Variants in CARS2 observed in about 807,000 individuals in gnomAD.
The protein encoded by CARS2 is probable cysteine--tRNA ligase, mitochondrial.
CARS2 carries 52 observed loss-of-function variants against 68.8 expected under a neutral mutation model. The ratio of observed to expected loss-of-function variants is 0.76; its 90% CI spans 0.61 to 0.95. CARS2 has a LOEUF of 0.95. Among genes scored for constraint, CARS2 ranks in the 40% least tolerant of loss-of-function variants. CARS2 has a pLI of 0.00. For missense variants in CARS2, 780 were observed against 754.2 expected (o/e 1.03, Z -0.40); for synonymous variants, 314 against 303.6 (o/e 1.03, Z -0.36).
At chr13:110,674,146 T>TA (rs1216793137) in intron 7 of CARS2, among the ~76,000 whole-genome samples, 1 of 152,158 alleles carries the variant, frequency 6.6e-6, no homozygotes, top group African/African-American at 2.4e-5. Flanking sequence ...CAAGGTAACT[T>TA]ATAGATTCAA....
chr13:110,686,765 C>T (rs2063314815), intron 5 of CARS2, among the ~76,000 whole-genome samples: 2 of 151,982 alleles, frequency 1.3e-5, no homozygotes, highest in South Asian at 2.1e-4. Context: ...AACATGTTAC[C>T]CAGGCTGGTC....
chr13:110,655,076 A>G (rs898235206), intron 9 of CARS2, among the ~76,000 whole-genome samples: 2 of 152,192 alleles, frequency 1.3e-5, no homozygotes, highest in African/African-American at 4.8e-5. Context: ...TGATAAAGTC[A>G]CCAGGGGCTC....
chr13:110,643,995 C>G, intron 13 of CARS2: 1 of 698,906 alleles, frequency 1.4e-6, no homozygotes, highest in Non-Finnish European at 2.1e-6. Context: ...CCGTACAAAA[C>G]ATGTGCCAGG....
chr13:110,665,544 T>C lies in CARS2; in HGVS notation c.919+1796A>G, dbSNP rs749541657. The C allele has an allele frequency of 2.0e-6, 2 of 985,380 alleles. No individual in the cohort carries two copies. Among genetic ancestry groups the C allele is most frequent in the South Asian group, 4.7e-5 (1 of 21,300 alleles). The allele number at this position is 985,380 out of a possible 1,614,324, so 61.0% of individuals were successfully genotyped here. ...CCTCATTACCTGACAGGACGAAGCG[T>C]TGGCACAGCTAAGGCTGCCCTTCTT... is the stretch of plus-strand genomic sequence containing the variant. On this transcript the variant is annotated intron_variant, in intron 8 of 14. Coordinates refer to ENST00000257347, the MANE Select transcript of CARS2 (RefSeq NM_024537.4). This position sits in a 1 kb window ranked among gnomAD's most constrained non-coding sequence, Gnocchi z 4.3.
chr13:110,646,903 TG>T, intron 11 of CARS2, 197 bp downstream of exon 11: 1 of 586,284 alleles, frequency 1.7e-6, no homozygotes, highest in Non-Finnish European at 2.9e-6. Flanking sequence ...CTGTGGCCTC[TG>T]GGGAGCCCCT....
chr13:110,708,337 C>G (rs1013294777), upstream of CARS2, among the ~76,000 whole-genome samples: 1 of 152,138 alleles, frequency 6.6e-6, no homozygotes, highest in Admixed American at 6.6e-5. Flanking sequence ...AGCAAATTAA[C>G]AAAAAGCTCA....
At chr13:110,684,394 C>T (rs2063237798) in intron 5 of CARS2, among the ~76,000 whole-genome samples, 1 of 151,908 alleles carries the variant, frequency 6.6e-6, no homozygotes, top group Non-Finnish European at 1.5e-5. Flanking sequence ...CAAGCTGCAC[C>T]CAGGACCTGC....
At chr13:110,685,366 G>T (rs994970666) in intron 5 of CARS2, among the ~76,000 whole-genome samples, 5 of 151,984 alleles carry the variant, frequency 3.3e-5, no homozygotes, top group African/African-American at 9.7e-5. Context: ...ATTAGAACAA[G>T]TAAAAAGCTA....
intron 9 of CARS2, among the ~76,000 whole-genome samples, chr13:110,656,773 A>G (rs2062380430): frequency 6.6e-6 from 1 of 151,986 alleles, no homozygotes; most frequent in Admixed American, 6.6e-5. Flanking sequence ...AGTCCCAGCT[A>G]CTCAGGAGGC....
intron 9 of CARS2, among the ~76,000 whole-genome samples, chr13:110,654,493 T>TATAG (rs1489350377): frequency 6.6e-6 from 1 of 152,038 alleles, no homozygotes; most frequent in Non-Finnish European, 1.5e-5. Context: ...CAAGGAACTA[T>TATAG]GGGCTAGGGT....
At chr13:110,680,373 A>G (rs1246057090) in intron 6 of CARS2, among the ~76,000 whole-genome samples, 1 of 152,188 alleles carries the variant, frequency 6.6e-6, no homozygotes, top group African/African-American at 2.4e-5. Context: ...AGCCTGGGCA[A>G]AAGAGTGAGA....
intron 12 of CARS2, chr13:110,644,688 C>T (rs1300109054): frequency 4.9e-6 from 4 of 813,526 alleles, no homozygotes; most frequent in Non-Finnish European, 5.4e-6. Flanking sequence ...ATCTCTTGTG[C>T]CTCAGTTTAC....
In CARS2 at chr13:110,705,937, G is replaced by T; in HGVS notation, c.157C>A (p.Gln53Lys). The change falls in exon 1 of 15, where the codon CAG (glutamine) becomes AAG (lysine). Residue 53 changes from glutamine (Q) to lysine (K), a missense_variant. Gln to Lys is a moderately conservative substitution (Grantham distance 53). Coordinates refer to ENST00000257347, the MANE Select transcript of CARS2 (RefSeq NM_024537.4). This position sits in a 1 kb window ranked among gnomAD's most constrained non-coding sequence, Gnocchi z 4.0. Reference protein sequence around the residue: ...LQPTGRETGVQVYNSLTGRKE... With the variant: ...LQPTGRETGVKVYNSLTGRKE... The stretch of plus-strand genomic sequence containing the variant: ...CTCCCGGTGAGGCTGTTGTACACCT[G>T]CACACCCGTCTCCCGGCCCGTGGGC... The T allele has an allele frequency of 6.4e-7, 1 of 1,568,366 alleles. No individual in the cohort carries two copies. The highest frequency in any genetic ancestry group is 8.6e-7 in the Non-Finnish European group (1 of 1,160,108).
chr13:110,679,649 C>A (rs2063096019), intron 6 of CARS2, among the ~76,000 whole-genome samples: 1 of 19,324 alleles, frequency 5.2e-5, no homozygotes, highest in African/African-American at 1.8e-4. Flanking sequence ...CCGGGCGTGA[C>A]CGGAGGGAGG....
intron 5 of CARS2, among the ~76,000 whole-genome samples, chr13:110,684,119 C>A (rs929351862): frequency 1.3e-5 from 2 of 152,140 alleles, no homozygotes; most frequent in African/African-American, 4.8e-5. Flanking sequence ...CCATGTGTCT[C>A]CCTAGGAAGG....
chr13:110,663,045 C>A (rs1169984485), intron 9 of CARS2: 2 of 461,960 alleles, frequency 4.3e-6, no homozygotes, highest in African/African-American at 2.0e-5. Context: ...CCAGCCAGCT[C>A]TGAGCCTATT....
chr13:110,647,020 TCTTCCC>T, intron 11 of CARS2, 75 bp downstream of exon 11: 1 of 1,453,476 alleles, frequency 6.9e-7, no homozygotes, highest in Non-Finnish European at 9.1e-7. Flanking sequence ...TGGGGGCCCC[TCTTCCC>T]CTTCAAGAGC....
intron 5 of CARS2, among the ~76,000 whole-genome samples, chr13:110,685,309 C>CAA (rs751516381): frequency 6.8e-5 from 9 of 133,194 alleles, no homozygotes; most frequent in African/African-American, 2.4e-4. Flanking sequence ...GACTCTGTCT[C>CAA]AAAAAAAAAA....
intron 2 of CARS2, 58 bp from the exon 3 acceptor site, chr13:110,701,613 T>TA (rs929957730): frequency 8.4e-6 from 7 of 834,466 alleles, no homozygotes; most frequent in African/African-American, 8.4e-5. Context: ...GTTATCTTTG[T>TA]AAAAAATCCA....
Sources: allele counts gnomAD v4.1 joint callset (sites outside exome capture counted in the v4.1 genomes callset), GRCh38; gene constraint gnomAD v4.1.1; non-coding constraint Gnocchi (gnomAD v3.1); transcripts MANE v1.5; gene names NCBI Gene and HGNC (gene_info 2026-07-23, HGNC 2026-07-21).